Variants in BCR observed in about 807,000 individuals in gnomAD.
BCR encodes the protein breakpoint cluster region protein.
In BCR, 58 loss-of-function variants were observed where a neutral mutation model predicts 138.6. That is an observed-to-expected ratio of 0.42 (90% CI 0.34 to 0.52). The LOEUF (loss-of-function observed/expected upper bound fraction) is 0.52. BCR is among the 20% of genes least tolerant of loss of function. The probability of loss-of-function intolerance (pLI) is 0.06; values close to 1 mark genes in which losing one functional copy is unlikely to be tolerated. For synonymous variants in BCR, 786 were observed against 730.1 expected, an observed-to-expected ratio of 1.08 and a Z score of -1.23; for missense variants, 1,599 against 1,727.2, an observed-to-expected ratio of 0.93 and a Z score of 1.32.
rs1211670263 is a variant in BCR at position 23,191,119 on chromosome 22, C to T, written c.1279+8880C>T. ...GGCTAATTTTTAATTTTTGTTGAGACAGGGTCTTGCTTTGTTGCCCAGGCT... is the reference window on the plus strand; with the variant it reads ...GGCTAATTTTTAATTTTTGTTGAGATAGGGTCTTGCTTTGTTGCCCAGGCT... On this transcript the variant is annotated intron_variant, in intron 1 of 22. Transcript: ENST00000305877. 2.6e-5 allele frequency among the ~76,000 whole-genome samples: 4 copies of T among 151,906 alleles called. No individual in the cohort carries two copies. The South Asian group carries it at 8.3e-4, about 31-fold the overall frequency.
In BCR at chr22:23,285,087, C is replaced by T. The variant is rs1475506812; in HGVS notation, c.2292C>T (p.Phe764=). The T allele has an allele frequency of 6.2e-7, 1 of 1,614,096 alleles. No individual in the cohort carries two copies. Among genetic ancestry groups the T allele is most frequent in the Non-Finnish European group, 8.5e-7 (1 of 1,180,028 alleles). The change falls in exon 10 of 23, where the codon TTC becomes TTT. Residue 764 remains phenylalanine, a synonymous_variant. Transcript: ENST00000305877. ...KWYIPLTDLS[F]QMVDELEAVP... ...ACATTCCGCTCACGGATCTCAGCTTCCAGATGGTGGATGAACTGGAGGCAG... is the reference window on the plus strand; with the variant it reads ...ACATTCCGCTCACGGATCTCAGCTTTCAGATGGTGGATGAACTGGAGGCAG...
At chr22:23,239,526 A>C (rs959936513) in intron 1 of BCR, among the ~76,000 whole-genome samples, 1 of 152,148 alleles carries the variant, frequency 6.6e-6, no homozygotes, top group Non-Finnish European at 1.5e-5. Flanking sequence ...TGAGTCTGGA[A>C]TGTGGCAGTG....
chr22:23,260,829 C>G (rs1458171376), intron 2 of BCR, 121 bp from the exon 3 acceptor site: 1 of 901,756 alleles, frequency 1.1e-6, no homozygotes, highest in South Asian at 1.3e-5. Context: ...CCATGTGGAG[C>G]CTTTGTGGGG....
chr22:23,261,076 G>T, intron 3 of BCR, 22 bp downstream of exon 3: 1 of 1,607,126 alleles, frequency 6.2e-7, no homozygotes, highest in South Asian at 1.1e-5. Context: ...TTAGGGAGCT[G>T]AGCAGGGCGG....
chr22:23,287,082 G>C, intron 10 of BCR, 77 bp from the exon 11 acceptor site: 1 of 1,548,872 alleles, frequency 6.5e-7, no homozygotes, highest in Admixed American at 2.0e-5. Flanking sequence ...TGCAGCTGGT[G>C]GTGGGGATGG....
At chr22:23,245,308 T>A (rs961678770) in intron 1 of BCR, among the ~76,000 whole-genome samples, 1 of 152,172 alleles carries the variant, frequency 6.6e-6, no homozygotes, top group Non-Finnish European at 1.5e-5. Flanking sequence ...ATGGGGGGCC[T>A]TGGCTAGCCT....
At position 23,209,549 on chromosome 22, in the gene BCR, A is replaced by G. The variant is rs1296403121; in HGVS notation, c.1279+27310A>G. Among the ~76,000 whole-genome samples the G allele has an allele frequency of 7.3e-5, 11 of 150,668 alleles. No homozygotes were observed. The South Asian group carries it at 2.3e-3, about 32-fold the overall frequency. On this transcript the variant is annotated intron_variant, in intron 1 of 22. Coordinates refer to ENST00000305877, the MANE Select transcript of BCR (RefSeq NM_004327.4). Reference sequence around the variant, plus strand: ...TTTGCTAATTTATTTATTCATTTTTATTTTATTTTTTTGAGATGGAGTCTC... The same window carrying G: ...TTTGCTAATTTATTTATTCATTTTTGTTTTATTTTTTTGAGATGGAGTCTC...
chr22:23,285,028 C>G lies in BCR; in HGVS notation c.2238-5C>G. The G allele has an allele frequency of 6.2e-7, 1 of 1,611,200 alleles. No individual in the cohort carries two copies. Among genetic ancestry groups the G allele is most frequent in the Admixed American group, 1.7e-5 (1 of 59,952 alleles). ...ATGTGAACGTTCTTCTCTCCCCATC[C>G]CCAGCAAAACGCAGCAGTATGACTG... On this transcript the variant is annotated splice_polypyrimidine_tract_variant and splice_region_variant and intron_variant, in intron 9 of 22. Coordinates refer to ENST00000305877, the MANE Select transcript of BCR (RefSeq NM_004327.4).
intron 1 of BCR, among the ~76,000 whole-genome samples, chr22:23,246,151 G>A (rs936293641): frequency 2.0e-5 from 3 of 152,226 alleles, no homozygotes; most frequent in Non-Finnish European, 2.9e-5. Flanking sequence ...GAGGCCGGGT[G>A]TAGTGGCTCA....
chr22:23,308,571 C>T (rs1023654680), intron 16 of BCR, among the ~76,000 whole-genome samples: 1 of 152,210 alleles, frequency 6.6e-6, no homozygotes, highest in African/African-American at 2.4e-5. Context: ...TCTCAAAGTG[C>T]TGGGATTACA....
At chr22:23,288,302 A>G (rs1254903849) in intron 12 of BCR, 130 bp downstream of exon 12, 1 of 956,106 alleles carries the variant, frequency 1.0e-6, no homozygotes. Context: ...ATGGAGGGCT[A>G]ATTTAGAAAA....
chr22:23,183,902 A>G (rs941826671), intron 1 of BCR, among the ~76,000 whole-genome samples: 2 of 152,218 alleles, frequency 1.3e-5, no homozygotes, highest in African/African-American at 4.8e-5. Context: ...GAATATAGGA[A>G]TTATTATAGA....
At chr22:23,211,377 T>C (rs1319163261) in intron 1 of BCR, among the ~76,000 whole-genome samples, 3 of 151,966 alleles carry the variant, frequency 2.0e-5, no homozygotes, top group Non-Finnish European at 4.4e-5. Context: ...TTTTTGTATT[T>C]TTAGTAAAGA....
intron 19 of BCR, 141 bp from the exon 20 acceptor site, chr22:23,312,746 A>G (rs1244234362): frequency 5.6e-6 from 4 of 709,196 alleles, no homozygotes; most frequent in African/African-American, 1.7e-5. Context: ...TCTTGGGAGG[A>G]GTCAGATGAG....
intron 1 of BCR, 139 bp downstream of exon 1, chr22:23,182,378 A>G: frequency 9.7e-7 from 1 of 1,027,406 alleles, no homozygotes; most frequent in Non-Finnish European, 1.4e-6. Context: ...GTTCACGCGG[A>G]TCCTGCACCC....
chr22:23,289,972 G>T, intron 13 of BCR: 2 of 501,976 alleles, frequency 4.0e-6, no homozygotes, highest in Non-Finnish European at 7.3e-6. Flanking sequence ...CGGCACTTTT[G>T]GTCAAGCTGT....
At chr22:23,284,604 G>A (rs2073689428) in intron 9 of BCR, among the ~76,000 whole-genome samples, 1 of 152,222 alleles carries the variant, frequency 6.6e-6, no homozygotes, top group African/African-American at 2.4e-5. Context: ...CCTGCTGAGT[G>A]GGTTTAATCA....
At chr22:23,243,237 A>T (rs2073117239) in intron 1 of BCR, among the ~76,000 whole-genome samples, 1 of 151,832 alleles carries the variant, frequency 6.6e-6, no homozygotes, top group Non-Finnish European at 1.5e-5. Flanking sequence ...TAGCTGTGGG[A>T]CGGGGCTGGT....
intron 13 of BCR, 173 bp from the exon 14 acceptor site, chr22:23,290,166 A>G (rs2073769000): frequency 1.3e-5 from 9 of 698,822 alleles, no homozygotes; most frequent in Non-Finnish European, 2.3e-5. Flanking sequence ...GAGATCCCCA[A>G]GACAGAAATC....
Sources: allele counts gnomAD v4.1 joint callset (sites outside exome capture counted in the v4.1 genomes callset), GRCh38; gene constraint gnomAD v4.1.1; transcripts MANE v1.5; gene names NCBI Gene and HGNC (gene_info 2026-07-23, HGNC 2026-07-21).